The following ST8SIA5 variants were observed in gnomAD, a reference collection of about 807,000 sequenced individuals.
The protein encoded by ST8SIA5 is alpha-2,8-sialyltransferase 8E.
In ST8SIA5, 24 loss-of-function variants were observed where a neutral mutation model predicts 40.2. The ratio of observed to expected loss-of-function variants is 0.60; its 90% CI spans 0.43 to 0.84. The LOEUF (loss-of-function observed/expected upper bound fraction) is 0.84, where lower values mean the gene tolerates loss of function less well. Among genes scored for constraint, ST8SIA5 ranks in the 40% least tolerant of loss-of-function variants. The probability of loss-of-function intolerance (pLI) is 0.00; values close to 1 mark genes in which losing one functional copy is unlikely to be tolerated. For synonymous variants in ST8SIA5, 198 were observed against 201.8 expected (o/e 0.98, Z 0.16); for missense variants, 465 against 498.5 (o/e 0.93, Z 0.64).
intron 2 of ST8SIA5, among the ~76,000 whole-genome samples, chr18:46,701,601 G>A (rs1456795393): frequency 5.9e-5 from 9 of 152,190 alleles, no homozygotes. Context: ...GCAGGCCAAG[G>A]AGAGAGGCCT....
intron 2 of ST8SIA5, among the ~76,000 whole-genome samples, chr18:46,702,529 C>A (rs115378082): frequency 0.013 from 1,910 of 152,320 alleles, 44 homozygotes; most frequent in African/African-American, 0.043. Flanking sequence ...CGCCGGCATT[C>A]GAGCTGCCCC....
chr18:46,730,214 A>G, intron 1 of ST8SIA5: 2 of 985,312 alleles, frequency 2.0e-6, no homozygotes, highest in Non-Finnish European at 2.4e-6. Context: ...ACCTCCAGGC[A>G]ATGCTTGCCT....
In ST8SIA5 at chr18:46,680,480, C is replaced by T. The variant is rs774319040; in HGVS notation, c.693G>A (p.Pro231=). 2.5e-6 allele frequency: 4 copies of T among 1,588,296 alleles called. No homozygotes were observed. The highest frequency in any genetic ancestry group is 3.4e-6 in the Non-Finnish European group (4 of 1,165,224). The change falls in exon 7 of 7, where the codon CCG becomes CCA. Residue 231 remains proline, a synonymous_variant. Coordinates refer to ENST00000315087, the MANE Select transcript of ST8SIA5 (RefSeq NM_013305.6). ...RFHKLEKWRR[P]FYRVLQVYEN... ...CGTACACCTGCAGCACGCGATAGAA[C>T]GGCCGCCGCCACTTCTCCAGCTTGT...
intron 1 of ST8SIA5, among the ~76,000 whole-genome samples, chr18:46,721,094 G>A (rs1599132725): frequency 6.6e-6 from 1 of 152,158 alleles, no homozygotes; most frequent in South Asian, 2.1e-4. Flanking sequence ...CTAAATGGAG[G>A]TTTGAGACCA....
At chr18:46,742,910 G>C (rs1461097326) in intron 1 of ST8SIA5, among the ~76,000 whole-genome samples, 1 of 152,206 alleles carries the variant, frequency 6.6e-6, no homozygotes, top group African/African-American at 2.4e-5. Context: ...GCCTCCGCTG[G>C]TGATACCCAG....
intron 1 of ST8SIA5, among the ~76,000 whole-genome samples, chr18:46,755,904 T>TG (rs2040239313): frequency 6.6e-6 from 1 of 152,156 alleles, no homozygotes; most frequent in African/African-American, 2.4e-5. Flanking sequence ...CCGAAGCTCC[T>TG]GGAGGGGAAA....
intron 1 of ST8SIA5, chr18:46,721,388 C>T: frequency 6.5e-7 from 1 of 1,536,146 alleles, no homozygotes; most frequent in Non-Finnish European, 8.7e-7. Context: ...TGCCGCTCTG[C>T]ACTGCTGGAT....
intron 1 of ST8SIA5, among the ~76,000 whole-genome samples, chr18:46,743,880 A>G (rs1044027533): frequency 2.0e-5 from 3 of 152,258 alleles, no homozygotes; most frequent in African/African-American, 4.8e-5. Context: ...CAGAAACCCT[A>G]CAAGCCAGAA....
chr18:46,701,926 T>C (rs2039621025), intron 2 of ST8SIA5, among the ~76,000 whole-genome samples: 1 of 152,098 alleles, frequency 6.6e-6, no homozygotes, highest in Non-Finnish European at 1.5e-5. Context: ...GGCGGGTGGA[T>C]CATGAGGTCA....
intron 1 of ST8SIA5, 83 bp from the exon 2 acceptor site, chr18:46,704,747 T>C (rs2039653427): frequency 2.6e-6 from 3 of 1,155,680 alleles, no homozygotes; most frequent in Admixed American, 1.7e-5. Context: ...CAGGGTGGAG[T>C]GTCTGTCCCA....
Position 46,677,023 on chromosome 18 carries a change from C to T in ST8SIA5, c.*3019G>A, listed in dbSNP as rs746574656. 5 of 152,228 alleles carry T rather than the reference C, an allele frequency of 3.3e-5. No homozygotes were observed. The highest frequency in any genetic ancestry group is 7.3e-5 in the Non-Finnish European group (5 of 68,058). The allele number at this position is 152,228 out of a possible 1,614,324, so 9.4% of individuals were successfully genotyped here. On this transcript the variant is annotated 3_prime_UTR_variant, in exon 7 of 7. Coordinates refer to ENST00000315087, the MANE Select transcript of ST8SIA5 (RefSeq NM_013305.6). Reference sequence around the variant, plus strand: ...TGTGCTATCTCTGGGCATCTTTCCTCACCTTAAAAATGTGACGATGGCCTC... The same window carrying T: ...TGTGCTATCTCTGGGCATCTTTCCTTACCTTAAAAATGTGACGATGGCCTC...
At chr18:46,722,287 C>T (rs150391792) in intron 1 of ST8SIA5, among the ~76,000 whole-genome samples, 13 of 152,304 alleles carry the variant, frequency 8.5e-5, no homozygotes, top group Admixed American at 4.6e-4. Context: ...GGCCCTCTTC[C>T]CAAGCCCAGG....
intron 3 of ST8SIA5, among the ~76,000 whole-genome samples, chr18:46,690,312 C>T (rs1027311038): frequency 6.6e-6 from 1 of 152,214 alleles, no homozygotes; most frequent in African/African-American, 2.4e-5. Context: ...TCCCTCATGG[C>T]ACCAGGTTCC....
At chr18:46,715,951 C>A (rs2039784505) in intron 1 of ST8SIA5, among the ~76,000 whole-genome samples, 1 of 151,990 alleles carries the variant, frequency 6.6e-6, no homozygotes, top group East Asian at 1.9e-4. Context: ...GAGCTGAGGG[C>A]AGAAATAGAA....
chr18:46,728,525 CT>C (rs1402001477), intron 1 of ST8SIA5, among the ~76,000 whole-genome samples: 1 of 152,350 alleles, frequency 6.6e-6, no homozygotes, highest in Middle Eastern at 3.4e-3. Context: ...GCATTTGGCA[CT>C]GTGGACTTAG....
chr18:46,731,906 T>G (rs1358452151), intron 1 of ST8SIA5: 2 of 152,104 alleles, frequency 1.3e-5, no homozygotes, highest in Middle Eastern at 3.2e-3. Context: ...TACAAAGTGC[T>G]TCACTTCTAC....
At chr18:46,726,181 G>A (rs2144537797) in intron 1 of ST8SIA5, among the ~76,000 whole-genome samples, 1 of 149,314 alleles carries the variant, frequency 6.7e-6, no homozygotes, top group Non-Finnish European at 1.5e-5. Context: ...GTGACTGAGT[G>A]AGACTCTGTC....
chr18:46,733,561 G>T (rs1026835751), intron 1 of ST8SIA5, among the ~76,000 whole-genome samples: 5 of 152,066 alleles, frequency 3.3e-5, no homozygotes, highest in Non-Finnish European at 7.3e-5. Context: ...GCGACAAAAT[G>T]CGTCATACGC....
chr18:46,739,657 T>G (rs2040069485), intron 1 of ST8SIA5, among the ~76,000 whole-genome samples: 1 of 152,130 alleles, frequency 6.6e-6, no homozygotes, highest in South Asian at 2.1e-4. Flanking sequence ...AGATTTCTAT[T>G]TCCAACAAAG....
Sources: gnomAD v4.1 joint callset for allele counts (sites outside exome capture counted in the v4.1 genomes callset) on GRCh38, gnomAD v4.1.1 for gene constraint, MANE v1.5 for transcripts, NCBI Gene and HGNC (gene_info 2026-07-23, HGNC 2026-07-21) for gene names.